Variants in DNAJB9 observed in about 807,000 individuals in gnomAD.
The protein encoded by DNAJB9 is DnaJ heat shock protein family (Hsp40) member B9.
DNAJB9 carries 12 observed loss-of-function variants against 19.2 expected under a neutral mutation model. That is an observed-to-expected ratio of 0.62 (90% CI 0.40 to 1.01). The LOEUF (loss-of-function observed/expected upper bound fraction) is 1.01. DNAJB9 is among the 50% of genes least tolerant of loss of function. The pLI, the probability that DNAJB9 is intolerant of heterozygous loss-of-function variation, is 0.00. For missense variants in DNAJB9, 272 were observed against 261.1 expected (o/e 1.04, Z -0.29); for synonymous variants, 83 against 84.0 (o/e 0.99, Z 0.07).
At chr7:108,571,975 G>A (rs1790628262) in intron 2 of DNAJB9, 32 bp downstream of exon 2, 7 of 1,595,314 alleles carry the variant, frequency 4.4e-6, no homozygotes, top group Non-Finnish European at 6.0e-6. Flanking sequence ...AAGTGTCATG[G>A]GTATTAACTA....
rs1028291555 is a variant in DNAJB9, at chr7:108,573,578, C to T, written c.*225C>T. 8.2e-6 allele frequency: 3 copies of T among 365,926 alleles called. No individual in the cohort carries two copies. 22.7% of individuals were successfully genotyped at this position (365,926 alleles called of 1,614,324 possible). A position where few individuals can be genotyped will look rare whatever the true frequency, so the allele number is the denominator to read the frequency against. The stretch of plus-strand genomic sequence containing the variant: ...TGATTAGGAAAGTTTCTTTAAAAAA[C>T]ACGTAATTTTGCCTAGTGCTTTTTC... On this transcript the variant is annotated 3_prime_UTR_variant, in exon 3 of 3. Transcript: ENST00000249356.
In DNAJB9 at chr7:108,574,182, T is replaced by C. The variant is rs1322551752; in HGVS notation, c.*829T>C. 1 of 152,624 alleles carries C rather than the reference T, an allele frequency of 6.6e-6. No individual in the cohort carries two copies. Among genetic ancestry groups the C allele is most frequent in the East Asian group, 1.9e-4 (1 of 5,200 alleles). 9.5% of individuals were successfully genotyped at this position (152,624 alleles called of 1,614,324 possible). On this transcript the variant is annotated 3_prime_UTR_variant, in exon 3 of 3. Coordinates refer to ENST00000249356, the MANE Select transcript of DNAJB9 (RefSeq NM_012328.3). ...ATCTAGAGATTGACTGATACCTCAT[T>C]CTGTTTGTAAAACCAGCCAGTAATT...
chr7:108,573,327 A>G lies in DNAJB9; in HGVS notation c.646A>G (p.Thr216Ala), dbSNP rs777619921. The G allele has an allele frequency of 4.4e-6, 7 of 1,592,908 alleles. No homozygotes were observed. The highest frequency in any genetic ancestry group is 1.3e-5 in the African/African-American group (1 of 74,260). ...VTQRRGNMVTTYTDCSGQ is the reference protein window; with the variant it reads ...VTQRRGNMVTAYTDCSGQ ...TCAACGAAGAGGAAATATGGTTACTACATACACTGACTGTTCAGGACAGTA... is the reference window on the plus strand; with the variant it reads ...TCAACGAAGAGGAAATATGGTTACTGCATACACTGACTGTTCAGGACAGTA... The change falls in exon 3 of 3, where the codon ACA (threonine) becomes GCA (alanine). Residue 216 changes from threonine to alanine, a missense_variant. Coordinates refer to ENST00000249356, the MANE Select transcript of DNAJB9 (RefSeq NM_012328.3).
Position 108,573,942 on chromosome 7 carries a change from A to G in DNAJB9, c.*589A>G, listed in dbSNP as rs1390942725. The G allele has an allele frequency of 6.6e-6, 1 of 152,404 alleles. No homozygotes were observed. Among genetic ancestry groups the G allele is most frequent in the African/African-American group, 2.4e-5 (1 of 41,470 alleles). 9.4% of individuals were successfully genotyped at this position (152,404 alleles called of 1,614,324 possible). ...GGTAAAGGAAATGGTTTTATTGCCC[A>G]TAGTCATTTAGGCTGGAAAAAAGTT... On this transcript the variant is annotated 3_prime_UTR_variant, in exon 3 of 3. Transcript: ENST00000249356.
rs1362108756 is a variant in DNAJB9, at chr7:108,574,314, C to T, written c.*961C>T. The T allele has an allele frequency of 6.6e-6, 1 of 152,586 alleles. No individual in the cohort carries two copies. Among genetic ancestry groups the T allele is most frequent in the Non-Finnish European group, 1.5e-5 (1 of 68,024 alleles). The allele number at this position is 152,586 out of a possible 1,614,324, so 9.5% of individuals were successfully genotyped here. On this transcript the variant is annotated 3_prime_UTR_variant, in exon 3 of 3. Coordinates refer to ENST00000249356, the MANE Select transcript of DNAJB9 (RefSeq NM_012328.3). ...TTCTGCACTTTTCCACATTATACTCCATATGAGTATTAATCCTATGGATAC... is the reference window on the plus strand; with the variant it reads ...TTCTGCACTTTTCCACATTATACTCTATATGAGTATTAATCCTATGGATAC...
At chr7:108,570,728 G>T (rs1790605946) in intron 1 of DNAJB9, among the ~76,000 whole-genome samples, 1 of 152,204 alleles carries the variant, frequency 6.6e-6, no homozygotes, top group Middle Eastern at 3.4e-3. Flanking sequence ...TAATCTACCT[G>T]CCTGCTAATT....
Position 108,572,404 on chromosome 7 carries a change from T to G in DNAJB9, c.217+461T>G, listed in dbSNP as rs116233200. ...ATTGGAACAAATTTTGACTTCAGACTAGCTCTAAAACAAATTGCACCTGCT... is the reference window on the plus strand; with the variant it reads ...ATTGGAACAAATTTTGACTTCAGACGAGCTCTAAAACAAATTGCACCTGCT... On this transcript the variant is annotated intron_variant, in intron 2 of 2. Transcript: ENST00000249356. Among the ~76,000 whole-genome samples the G allele has an allele frequency of 2.8e-3, 421 of 152,344 alleles. 2 individuals are homozygous for G. Among genetic ancestry groups the G allele is most frequent in the African/African-American group, 9.7e-3 (402 of 41,584 alleles).
rs185927020 is a variant in DNAJB9 at position 108,572,805 on chromosome 7, A to G, written c.218-94A>G. 56 of 976,864 alleles carry G rather than the reference A, an allele frequency of 5.7e-5. 1 individual carries two copies. In the African/African-American group the frequency reaches 8.3e-4, roughly 14 times the overall value. The allele number at this position is 976,864 out of a possible 1,614,324, so 60.5% of individuals were successfully genotyped here. A position where few individuals can be genotyped will look rare whatever the true frequency, so the allele number is the denominator to read the frequency against. ...CTGATGCGAAATTCTTCCCTAAAATAATAGTATTCAGTTCACTTGCTTGAA... is the reference window on the plus strand; with the variant it reads ...CTGATGCGAAATTCTTCCCTAAAATGATAGTATTCAGTTCACTTGCTTGAA... On this transcript the variant is annotated intron_variant, in intron 2 of 2. Coordinates refer to ENST00000249356, the MANE Select transcript of DNAJB9 (RefSeq NM_012328.3).
At chr7:108,572,052 G>C in intron 2 of DNAJB9, 109 bp downstream of exon 2, 1 of 975,452 alleles carries the variant, frequency 1.0e-6, no homozygotes, top group South Asian at 1.6e-5. Flanking sequence ...GGTGGAGTGG[G>C]ATTTATGTAT....
In DNAJB9 at chr7:108,574,124, G is replaced by C. The variant is rs1790666128; in HGVS notation, c.*771G>C. 1 of 152,496 alleles carries C rather than the reference G, an allele frequency of 6.6e-6. No homozygotes were observed. Among genetic ancestry groups the C allele is most frequent in the African/African-American group, 2.4e-5 (1 of 41,410 alleles). The allele number at this position is 152,496 out of a possible 1,614,324, so 9.4% of individuals were successfully genotyped here. ...GGTCTTAGTATGGATTTATGTGTTT[G>C]TGTGTGTGTAGTTTATCCTCTCTCT... On this transcript the variant is annotated 3_prime_UTR_variant, in exon 3 of 3. Coordinates refer to ENST00000249356, the MANE Select transcript of DNAJB9 (RefSeq NM_012328.3).
At chr7:108,571,061 T>TC (rs1790611792) in intron 1 of DNAJB9, among the ~76,000 whole-genome samples, 1 of 152,234 alleles carries the variant, frequency 6.6e-6, no homozygotes, top group African/African-American at 2.4e-5. Context: ...TAAATTCTGT[T>TC]CATCATGAGT....
rs1458159451 is a variant in DNAJB9, at chr7:108,570,045, T to C, written c.-69T>C. ...GGCCCAAGCTGCCGACCCGAGCCGATCGTCAGGGTCGCCAGCGCCTCAGCT... is the reference window on the plus strand; with the variant it reads ...GGCCCAAGCTGCCGACCCGAGCCGACCGTCAGGGTCGCCAGCGCCTCAGCT... On this transcript the variant is annotated 5_prime_UTR_variant, in exon 1 of 3. Transcript: ENST00000249356. 2 of 189,204 alleles carry C rather than the reference T, an allele frequency of 1.1e-5. No individual in the cohort carries two copies. Among genetic ancestry groups the C allele is most frequent in the African/African-American group, 4.7e-5 (2 of 42,448 alleles). The allele number at this position is 189,204 out of a possible 1,614,324, so 11.7% of individuals were successfully genotyped here.
rs758542355 is a variant in DNAJB9, at chr7:108,571,864, T to C, written c.138T>C (p.Phe46=). Residue 46 remains phenylalanine (F), a synonymous_variant, in exon 2 of 3, where the codon TTT becomes TTC. Transcript: ENST00000249356. ...CAGAGCGCCAAATCAAGAAGGCCTTTCACAAGTTGGCCATGAAGTACCACC... is the reference window on the plus strand; with the variant it reads ...CAGAGCGCCAAATCAAGAAGGCCTTCCACAAGTTGGCCATGAAGTACCACC... ...SASERQIKKA[F]HKLAMKYHPD... is the part of the protein sequence containing the mutation. 1 of 1,614,182 alleles carries C rather than the reference T, an allele frequency of 6.2e-7. No homozygotes were observed. Among genetic ancestry groups the C allele is most frequent in the South Asian group, 1.1e-5 (1 of 91,090 alleles).
Position 108,573,425 on chromosome 7 carries a change from G to C in DNAJB9, c.*72G>C. The C allele has an allele frequency of 8.3e-7, 1 of 1,204,784 alleles. No individual in the cohort carries two copies. Among genetic ancestry groups the C allele is most frequent in the Non-Finnish European group, 1.1e-6 (1 of 896,750 alleles). 74.6% of individuals were successfully genotyped at this position (1,204,784 alleles called of 1,614,324 possible). A position where few individuals can be genotyped will look rare whatever the true frequency, so the allele number is the denominator to read the frequency against. On this transcript the variant is annotated 3_prime_UTR_variant, in exon 3 of 3. Transcript: ENST00000249356. ...TATCTTTGATGCTAAACAATTTTCT[G>C]TGAACTATTTTGACAAGTGCATGAT... is the stretch of plus-strand genomic sequence containing the variant.
Position 108,571,873 on chromosome 7 carries a change from G to T in DNAJB9, c.147G>T (p.Leu49Phe). 1 of 1,614,088 alleles carries T rather than the reference G, an allele frequency of 6.2e-7. No individual in the cohort carries two copies. The highest frequency in any genetic ancestry group is 8.5e-7 in the Non-Finnish European group (1 of 1,180,016). The change falls in exon 2 of 3, where the codon TTG becomes TTT. Residue 49 changes from leucine to phenylalanine, a missense_variant. Leu to Phe is a conservative substitution (Grantham distance 22). Transcript: ENST00000249356. ...AAATCAAGAAGGCCTTTCACAAGTT[G>T]GCCATGAAGTACCACCCTGACAAAA... Reference protein sequence around the residue: ...ERQIKKAFHKLAMKYHPDKNK... With the variant: ...ERQIKKAFHKFAMKYHPDKNK...
chr7:108,572,423 A>G (rs1433966903), intron 2 of DNAJB9, among the ~76,000 whole-genome samples: 1 of 152,234 alleles, frequency 6.6e-6, no homozygotes. Context: ...AACAAATTGC[A>G]CCTGCTGAGC....
rs1437660975 is a variant in DNAJB9 at position 108,570,005 on chromosome 7, C to G, written c.-109C>G. 1 of 192,540 alleles carries G rather than the reference C, an allele frequency of 5.2e-6. No homozygotes were observed. The highest frequency in any genetic ancestry group is 1.1e-5 in the Non-Finnish European group (1 of 90,576). The allele number at this position is 192,540 out of a possible 1,614,324, so 11.9% of individuals were successfully genotyped here. ...AGGGTGCGTGCCAGCTCCGGGAGGC[C>G]GCGGTGAGGGGCCGGGCCCAAGCTG... On this transcript the variant is annotated 5_prime_UTR_variant, in exon 1 of 3. Transcript: ENST00000249356.
intron 1 of DNAJB9, among the ~76,000 whole-genome samples, chr7:108,570,839 G>C (rs1790607952): frequency 6.6e-6 from 1 of 152,182 alleles, no homozygotes; most frequent in African/African-American, 2.4e-5. Context: ...TAAGGACTCT[G>C]GTGGTCCCGT....
At position 108,573,041 on chromosome 7, in the gene DNAJB9, A is replaced by G. The variant is rs1287425972; in HGVS notation, c.360A>G (p.Lys120=). 6.2e-7 allele frequency: 1 copy of G among 1,614,092 alleles called. No individual in the cohort carries two copies. Among genetic ancestry groups the G allele is most frequent in the East Asian group, 2.2e-5 (1 of 44,868 alleles). ...ACTTCAATTTTGATGACTTATTTAA[A>G]GACTTTGGCTTTTTTGGTCAAAACC... ...SFNFNFDDLF[K]DFGFFGQNQN... The change falls in exon 3 of 3, where the codon AAA becomes AAG. Residue 120 remains lysine, a synonymous_variant. Coordinates refer to ENST00000249356, the MANE Select transcript of DNAJB9 (RefSeq NM_012328.3).
Sources: gnomAD v4.1 joint callset for allele counts (sites outside exome capture counted in the v4.1 genomes callset) on GRCh38, gnomAD v4.1.1 for gene constraint, MANE v1.5 for transcripts, NCBI Gene and HGNC (gene_info 2026-07-23, HGNC 2026-07-21) for gene names.